Variants in TGM6 observed in about 807,000 individuals in gnomAD.
TGM6 encodes the protein transglutaminase 6.
TGM6 carries 74 observed loss-of-function variants against 77.5 expected under a neutral mutation model. That is an observed-to-expected ratio of 0.96 (90% CI 0.79 to 1.16). TGM6 has a LOEUF of 1.16. TGM6 is among the 50% of genes most tolerant of loss of function. TGM6 has a pLI of 0.00. For missense variants in TGM6, 968 were observed against 940.2 expected (o/e 1.03, Z -0.39); for synonymous variants, 383 against 378.9 (o/e 1.01, Z -0.12).
chr20:2,401,625 T>C (rs971872496), intron 7 of TGM6, among the ~76,000 whole-genome samples: 2 of 152,238 alleles, frequency 1.3e-5, no homozygotes, highest in Admixed American at 1.3e-4. Context: ...GATTAACTCA[T>C]GTATTTCTTC....
chr20:2,417,629 G>T (rs533546688), intron 10 of TGM6, 56 bp downstream of exon 10: 2 of 1,523,342 alleles, frequency 1.3e-6, no homozygotes, highest in African/African-American at 2.7e-5. Context: ...TTTCAGGAGG[G>T]TTGTGGAGGT....
intron 1 of TGM6, among the ~76,000 whole-genome samples, chr20:2,381,917 C>CA (rs1028614681): frequency 2.2e-4 from 32 of 147,370 alleles, no homozygotes; most frequent in East Asian, 6.0e-4. Context: ...GACCCTGTCT[C>CA]AAAAAAAAAA....
chr20:2,423,107 T>C (rs2084867368), intron 10 of TGM6, among the ~76,000 whole-genome samples: 1 of 150,812 alleles, frequency 6.6e-6, no homozygotes, highest in Admixed American at 6.6e-5. Flanking sequence ...GAAGTTCTAC[T>C]GTGAGTAAAA....
At chr20:2,396,856 G>A (rs1230883312) in intron 4 of TGM6, among the ~76,000 whole-genome samples, 1 of 152,120 alleles carries the variant, frequency 6.6e-6, no homozygotes, top group East Asian at 1.9e-4. Context: ...AGGTCAGTAT[G>A]GTTGTGGAAA....
chr20:2,399,677 G>T lies in TGM6; in HGVS notation c.789G>T (p.Lys263Asn). Residue 263 changes from lysine to asparagine, a missense_variant, in exon 6 of 13, where the codon AAG (lysine) becomes AAT (asparagine). Transcript: ENST00000202625. ...TGGCCATTCTGCAGAAGTGGCTCAA[G>T]GGCAGGTACAAGCCAGTCAAGTACG... ...GSVAILQKWL[K>N]GRYKPVKYGQ... 1.9e-6 allele frequency: 3 copies of T among 1,613,894 alleles called. No homozygotes were observed. The highest frequency in any genetic ancestry group is 2.5e-6 in the Non-Finnish European group (3 of 1,180,002).
intron 7 of TGM6, among the ~76,000 whole-genome samples, chr20:2,400,800 G>A (rs182327632): frequency 3.3e-5 from 5 of 152,164 alleles, no homozygotes; most frequent in East Asian, 1.9e-4. Context: ...TATCAGCTGC[G>A]GTTCTCCGTG....
chr20:2,413,445 T>C (rs1431447601), intron 9 of TGM6, among the ~76,000 whole-genome samples: 1 of 152,012 alleles, frequency 6.6e-6, no homozygotes, highest in East Asian at 1.9e-4. Flanking sequence ...ACAACAGATA[T>C]ACAGTAACCC....
intron 9 of TGM6, among the ~76,000 whole-genome samples, chr20:2,407,236 T>C (rs2084758387): frequency 6.6e-6 from 1 of 152,234 alleles, no homozygotes. Context: ...ACATTTAGGT[T>C]AACAAAAATA....
chr20:2,430,879 T>C lies in TGM6; in HGVS notation c.1834-15T>C. The C allele has an allele frequency of 6.2e-7, 1 of 1,613,864 alleles. No individual in the cohort carries two copies. The highest frequency in any genetic ancestry group is 8.5e-7 in the Non-Finnish European group (1 of 1,179,982). On this transcript the variant is annotated splice_polypyrimidine_tract_variant and intron_variant, in intron 11 of 12. Transcript: ENST00000202625. ...AGGGGTAGGCGCGATGGCTCATGGG[T>C]GTTGTCCCCTTCAGGTTCTGGGCCC... is the stretch of plus-strand genomic sequence containing the variant.
chr20:2,394,331 GTA>G, intron 1 of TGM6, 119 bp from the exon 2 acceptor site: 1 of 1,146,558 alleles, frequency 8.7e-7, no homozygotes, highest in South Asian at 1.3e-5. Flanking sequence ...AGAATCGCCG[GTA>G]TATGATAAAT....
intron 1 of TGM6, among the ~76,000 whole-genome samples, chr20:2,389,991 C>T (rs1443108747): frequency 6.6e-6 from 1 of 152,214 alleles, no homozygotes; most frequent in Non-Finnish European, 1.5e-5. Flanking sequence ...GATACTCAGA[C>T]ATAGACTTGC....
At chr20:2,417,642 G>C in intron 10 of TGM6, 69 bp downstream of exon 10, 1 of 1,499,884 alleles carries the variant, frequency 6.7e-7, no homozygotes, top group Non-Finnish European at 9.0e-7. Flanking sequence ...GTGGAGGTCA[G>C]AGGGATTTCC....
chr20:2,426,821 A>G (rs2084890965), intron 10 of TGM6, among the ~76,000 whole-genome samples: 1 of 152,142 alleles, frequency 6.6e-6, no homozygotes, highest in Admixed American at 6.5e-5. Flanking sequence ...ATTGACCTTT[A>G]ATATTGACCC....
Position 2,395,289 on chromosome 20 carries a change from A to G in TGM6, c.277A>G (p.Met93Val), listed in dbSNP as rs146529216. ...CTGGACAGCAGCAAGGGAGGCTCAGATGGAGAAAACTCTGACCGTCAGTCT... is the reference window on the plus strand; with the variant it reads ...CTGGACAGCAGCAAGGGAGGCTCAGGTGGAGAAAACTCTGACCGTCAGTCT... ...EGWTAAREAQMEKTLTVSLAS... is the reference protein window; with the variant it reads ...EGWTAAREAQVEKTLTVSLAS... The change falls in exon 3 of 13, where the codon ATG becomes GTG. Residue 93 changes from methionine to valine, a missense_variant. Met to Val is a conservative substitution (Grantham distance 21). Transcript: ENST00000202625. 2.2e-4 allele frequency: 349 copies of G among 1,614,078 alleles called. 3 individuals carry two copies. Among genetic ancestry groups the G allele is most frequent in the Admixed American group, 1.8e-4 (11 of 60,004 alleles).
intron 9 of TGM6, 26 bp from the exon 10 acceptor site, chr20:2,417,206 C>T (rs767040119): frequency 2.6e-6 from 4 of 1,565,342 alleles, no homozygotes; most frequent in South Asian, 1.2e-5. Context: ...GGGTGCCTGC[C>T]GCTGACGTTG....
chr20:2,419,938 C>T (rs1200278975), intron 10 of TGM6, among the ~76,000 whole-genome samples: 1 of 152,104 alleles, frequency 6.6e-6, no homozygotes, highest in African/African-American at 2.4e-5. Context: ...TTTTGTTAGA[C>T]TGTATCACAA....
chr20:2,424,516 C>T (rs972691174), intron 10 of TGM6, among the ~76,000 whole-genome samples: 1 of 152,204 alleles, frequency 6.6e-6, no homozygotes, highest in Admixed American at 6.5e-5. Context: ...CAGGGCCTTG[C>T]TCTGGATTAG....
chr20:2,432,587 C>G lies in TGM6; in HGVS notation c.2065C>G (p.Pro689Ala). The change falls in exon 13 of 13, where the codon CCT becomes GCT. Residue 689 changes from proline to alanine, a missense_variant. Transcript: ENST00000202625. ...GCAGCTGCAGGTGGACCTTGTAAGC[C>G]CTCACTTCCCGGACATCAAGGGCTT... ...PRQLQVDLVS[P>A]HFPDIKGFVI... is the part of the protein sequence containing the mutation. 2 of 1,614,088 alleles carry G rather than the reference C, an allele frequency of 1.2e-6. No individual in the cohort carries two copies. The highest frequency in any genetic ancestry group is 1.7e-6 in the Non-Finnish European group (2 of 1,179,992).
In TGM6 at chr20:2,399,677, G is replaced by A. The variant is rs6114033; in HGVS notation, c.789G>A (p.Lys263=). The A allele has an allele frequency of 0.11, 177,775 of 1,613,884 alleles. 11,862 individuals are homozygous for A. The highest frequency in any genetic ancestry group is 0.24 in the Admixed American group (14,107 of 60,008). ...TGGCCATTCTGCAGAAGTGGCTCAA[G>A]GGCAGGTACAAGCCAGTCAAGTACG... ...GSVAILQKWL[K]GRYKPVKYGQ... The change falls in exon 6 of 13, where the codon AAG becomes AAA. Residue 263 remains lysine, a synonymous_variant. Coordinates refer to ENST00000202625, the MANE Select transcript of TGM6 (RefSeq NM_198994.3).
Sources: gnomAD v4.1 joint callset for allele counts (sites outside exome capture counted in the v4.1 genomes callset) on GRCh38, gnomAD v4.1.1 for gene constraint, MANE v1.5 for transcripts, NCBI Gene and HGNC (gene_info 2026-07-23, HGNC 2026-07-21) for gene names.